CLPTM1: variants seen among roughly 807,000 people sequenced by gnomAD.
CLPTM1 encodes putative lipid scramblase CLPTM1.
CLPTM1 carries 21 observed loss-of-function variants against 77.3 expected under a neutral mutation model. That is an observed-to-expected ratio of 0.27 (90% CI 0.19 to 0.39). CLPTM1 has a LOEUF of 0.39. Ranked by LOEUF, CLPTM1 falls within the 10% of genes least tolerant of loss-of-function variation. CLPTM1 has a pLI of 1.00. For synonymous variants in CLPTM1, 373 were observed against 381.0 expected (o/e 0.98, Z 0.24); for missense variants, 642 against 921.2 (o/e 0.70, Z 3.92).
intron 3 of CLPTM1, 72 bp downstream of exon 3, chr19:44,973,282 T>A (rs1417297359): frequency 1.2e-6 from 2 of 1,603,126 alleles, no homozygotes; most frequent in African/African-American, 2.7e-5. Context: ...AGGAGTGATG[T>A]CAGCAGTCGG....
upstream of CLPTM1, chr19:44,955,237 C>CA (rs1970440103): frequency 6.7e-7 from 1 of 1,503,334 alleles, no homozygotes; most frequent in African/African-American, 1.4e-5. Context: ...TTGGTCCTTC[C>CA]ATAGCCGGAA....
chr19:44,973,680 G>C (rs1280720127), intron 3 of CLPTM1, among the ~76,000 whole-genome samples: 1 of 151,478 alleles, frequency 6.6e-6, no homozygotes, highest in African/African-American at 2.4e-5. Flanking sequence ...AAAGCATTTA[G>C]ATCTGTCAGT....
In CLPTM1 at chr19:44,993,048, A is replaced by T. The variant is rs1478016522; in HGVS notation, c.*151A>T. 1 of 942,330 alleles carries T rather than the reference A, an allele frequency of 1.1e-6. No individual in the cohort carries two copies. The highest frequency in any genetic ancestry group is 1.7e-6 in the Non-Finnish European group (1 of 599,670). 58.4% of individuals were successfully genotyped at this position (942,330 alleles called of 1,614,324 possible). A position where few individuals can be genotyped will look rare whatever the true frequency, so the allele number is the denominator to read the frequency against. ...CAGGTCAGGGCCCAGCGTGTGATGT[A>T]GGGGCCGGGGCAGGCCAGGGTTTGT... On this transcript the variant is annotated 3_prime_UTR_variant, in exon 14 of 14. Transcript: ENST00000337392.
chr19:44,961,849 T>TCACTGATTC, intron 1 of CLPTM1, 114 bp from the exon 2 acceptor site: 1 of 579,152 alleles, frequency 1.7e-6, no homozygotes, highest in East Asian at 3.1e-5. Context: ...ATTCTCCAGT[T>TCACTGATTC]ATTGATAAGC....
chr19:44,992,699 C>A lies in CLPTM1; in HGVS notation c.1812C>A (p.Asp604Glu). ...RVNEFGMSGE[D>E]PTAAAPVAEV... ...ACGAGTTTGGCATGAGTGGAGAAGA[C>A]CCCACAGCTGCCGCCCCCGTGGCCG... is the stretch of plus-strand genomic sequence containing the variant. The change falls in exon 14 of 14, where the codon GAC becomes GAA. Residue 604 changes from aspartate to glutamate, a missense_variant. This residue lies in a region of CLPTM1 where 521 missense variants were observed against 800.4 expected (regional missense o/e 0.65). Coordinates refer to ENST00000337392, the MANE Select transcript of CLPTM1 (RefSeq NM_001294.4). The surrounding 1 kb of genome is among the most constrained non-coding windows in gnomAD (Gnocchi z 7.7). The A allele has an allele frequency of 6.2e-7, 1 of 1,613,748 alleles. No homozygotes were observed. The highest frequency in any genetic ancestry group is 8.5e-7 in the Non-Finnish European group (1 of 1,179,880).
At chr19:44,976,175 A>T (rs1347325134) in intron 4 of CLPTM1, among the ~76,000 whole-genome samples, 1 of 152,130 alleles carries the variant, frequency 6.6e-6, no homozygotes, top group African/African-American at 2.4e-5. Flanking sequence ...ACCTGCACTG[A>T]GAGGTGACTC....
Position 44,990,542 on chromosome 19 carries a change from T to A in CLPTM1, c.1280T>A (p.Val427Asp). The A allele has an allele frequency of 6.2e-7, 1 of 1,613,970 alleles. No individual in the cohort carries two copies. Among genetic ancestry groups the A allele is most frequent in the Non-Finnish European group, 8.5e-7 (1 of 1,179,954 alleles). ...FVVQVSVFIG[V>D]LIDLWKITKV... ...GTCCAGGTCAGCGTCTTCATTGGGG[T>A]CCTCATCGACCTCTGGAAGATCACC... The change falls in exon 10 of 14, where the codon GTC becomes GAC. Residue 427 changes from valine (V) to aspartate (D), a missense_variant. Around this residue, in one of 2 missense-constraint regions of CLPTM1, gnomAD observed 521 missense variants for 800.4 expected, o/e 0.65. Transcript: ENST00000337392. The surrounding 1 kb of genome is among the most constrained non-coding windows in gnomAD (Gnocchi z 4.8).
chr19:44,982,542 C>T (rs1438202111), intron 5 of CLPTM1, among the ~76,000 whole-genome samples: 1 of 152,196 alleles, frequency 6.6e-6, no homozygotes, highest in Non-Finnish European at 1.5e-5. Context: ...GTCTGGATGC[C>T]TCCAAGCTGC....
At chr19:44,971,956 C>G (rs1042314905) in intron 2 of CLPTM1, among the ~76,000 whole-genome samples, 1 of 137,446 alleles carries the variant, frequency 7.3e-6, no homozygotes, top group South Asian at 2.4e-4. Context: ...CTGCAACCTA[C>G]GCCTCCCGGG....
intron 2 of CLPTM1, among the ~76,000 whole-genome samples, chr19:44,962,839 G>T (rs1970565004): frequency 6.6e-6 from 1 of 151,902 alleles, no homozygotes; most frequent in Non-Finnish European, 1.5e-5. Flanking sequence ...GCCGAGGCGG[G>T]TGGATCACGA....
intron 6 of CLPTM1, 83 bp from the exon 7 acceptor site, chr19:44,986,372 C>T: frequency 6.6e-7 from 1 of 1,509,982 alleles, no homozygotes; most frequent in Non-Finnish European, 9.0e-7. Context: ...TTCTCGGGAA[C>T]CCTGGGGAGG....
At chr19:44,982,527 A>G (rs902456575) in intron 5 of CLPTM1, among the ~76,000 whole-genome samples, 1 of 152,194 alleles carries the variant, frequency 6.6e-6, no homozygotes, top group African/African-American at 2.4e-5. Flanking sequence ...AGCCAGGTCC[A>G]TCTGGTCTGG....
chr19:44,969,150 G>T (rs1374587058), intron 2 of CLPTM1, among the ~76,000 whole-genome samples: 2 of 152,270 alleles, frequency 1.3e-5, no homozygotes, highest in South Asian at 2.1e-4. Flanking sequence ...TATGCACCAG[G>T]CTCCATTCTG....
rs1267674829 is a variant in CLPTM1, at chr19:44,993,076, G to A, written c.*179G>A. The A allele has an allele frequency of 5.0e-6, 4 of 793,112 alleles. No homozygotes were observed. 49.1% of individuals were successfully genotyped at this position (793,112 alleles called of 1,614,324 possible). A position where few individuals can be genotyped will look rare whatever the true frequency, so the allele number is the denominator to read the frequency against. On this transcript the variant is annotated 3_prime_UTR_variant, in exon 14 of 14. Transcript: ENST00000337392. ...GGCCGGGGCAGGCCAGGGTTTGTTT[G>A]TGGAGGCGCTGTCTGTCCCTCTGTC...
intron 2 of CLPTM1, among the ~76,000 whole-genome samples, chr19:44,966,246 C>T (rs1192899423): frequency 1.3e-5 from 2 of 151,986 alleles, no homozygotes; most frequent in African/African-American, 4.8e-5. Context: ...TGCATCTCTA[C>T]TAAAAATATA....
chr19:44,977,573 G>C (rs539917056), intron 5 of CLPTM1, 113 bp downstream of exon 5: 16 of 841,918 alleles, frequency 1.9e-5, no homozygotes, highest in Non-Finnish European at 3.1e-5. Context: ...CAGGAAGCCT[G>C]TGCTCAAAGA....
At chr19:44,966,724 A>G (rs1385246202) in intron 2 of CLPTM1, among the ~76,000 whole-genome samples, 2 of 152,056 alleles carry the variant, frequency 1.3e-5, no homozygotes, top group East Asian at 3.9e-4. Context: ...AATTCATGTC[A>G]ACTGAGGGGT....
chr19:44,966,932 C>T lies in CLPTM1; in HGVS notation c.185+4857C>T, dbSNP rs570706288. Among the ~76,000 whole-genome samples the T allele has an allele frequency of 3.9e-3, 598 of 152,194 alleles. 5 individuals carry two copies. Among genetic ancestry groups the T allele is most frequent in the African/African-American group, 0.014 (571 of 41,518 alleles). On this transcript the variant is annotated intron_variant, in intron 2 of 13. Coordinates refer to ENST00000337392, the MANE Select transcript of CLPTM1 (RefSeq NM_001294.4). Reference sequence around the variant, plus strand: ...TCTCGGCTCACTGCAAGCTCCGCCTCCTAGGTTCACGCCATTCTCCTGCCT... The same window carrying T: ...TCTCGGCTCACTGCAAGCTCCGCCTTCTAGGTTCACGCCATTCTCCTGCCT...
intron 2 of CLPTM1, among the ~76,000 whole-genome samples, chr19:44,972,403 A>T (rs899120624): frequency 5.3e-5 from 8 of 151,652 alleles, no homozygotes. Context: ...GCCCGCCACC[A>T]TGCCCAGCTA....
Sources: allele counts gnomAD v4.1 joint callset (sites outside exome capture counted in the v4.1 genomes callset), GRCh38; gene constraint gnomAD v4.1.1; regional missense constraint gnomAD v4.1.1; non-coding constraint Gnocchi (gnomAD v3.1); transcripts MANE v1.5; gene names NCBI Gene and HGNC (gene_info 2026-07-23, HGNC 2026-07-21).